SLC3A1: variants seen among roughly 807,000 people sequenced by gnomAD.
The protein encoded by SLC3A1 is amino acid transporter heavy chain SLC3A1.
In SLC3A1, 78 loss-of-function variants were observed where a neutral mutation model predicts 60.3. The observed-to-expected ratio is 1.29, with a 90% CI of 1.08 to 1.56. The LOEUF is 1.56. Among genes scored for constraint, SLC3A1 ranks in the 40% most tolerant of loss-of-function variants. The probability of loss-of-function intolerance (pLI) is 0.00; values close to 1 mark genes in which losing one functional copy is unlikely to be tolerated. For synonymous variants in SLC3A1, 392 were observed against 307.9 expected (o/e 1.27, Z -2.86); for missense variants, 1,172 against 858.9 (o/e 1.36, Z -4.56).
intron 6 of SLC3A1, among the ~76,000 whole-genome samples, chr2:44,302,207 C>T (rs954126197): frequency 4.6e-5 from 7 of 152,174 alleles, no homozygotes; most frequent in African/African-American, 1.7e-4. Context: ...TGAAGGAGTC[C>T]TGCTCTGTAG....
At chr2:44,319,633 G>C (rs1435570619) in intron 9 of SLC3A1, 1 of 152,938 alleles carries the variant, frequency 6.5e-6, no homozygotes, top group Non-Finnish European at 1.5e-5. Flanking sequence ...GTAAAAAAAA[G>C]TCTACAATTT....
intron 4 of SLC3A1, among the ~76,000 whole-genome samples, chr2:44,294,386 T>A (rs1187319052): frequency 6.6e-6 from 1 of 150,908 alleles, no homozygotes; most frequent in East Asian, 1.9e-4. Context: ...GCACCTGTAA[T>A]CCCAGCTACT....
downstream of SLC3A1, among the ~76,000 whole-genome samples, chr2:44,322,143 T>G (rs189023409): frequency 1.7e-4 from 26 of 152,114 alleles, no homozygotes; most frequent in Non-Finnish European, 3.2e-4. Context: ...ACGGACAAGG[T>G]TGAAACCCAG....
chr2:44,284,937 T>G (rs2104340451), intron 3 of SLC3A1: 1 of 152,288 alleles, frequency 6.6e-6, no homozygotes, highest in East Asian at 1.9e-4. Flanking sequence ...TGTGTCTAAT[T>G]CCTAATACAG....
intron 5 of SLC3A1, among the ~76,000 whole-genome samples, chr2:44,300,559 C>A (rs574334235): frequency 6.6e-6 from 1 of 151,952 alleles, no homozygotes; most frequent in Non-Finnish European, 1.5e-5. Context: ...TTTACTGAAA[C>A]CCCGAGAAAG....
intron 4 of SLC3A1, among the ~76,000 whole-genome samples, chr2:44,299,291 G>A (rs986263614): frequency 3.3e-5 from 5 of 152,118 alleles, no homozygotes; most frequent in African/African-American, 9.7e-5. Flanking sequence ...CGCCTGCCTC[G>A]GCCTCCCAGA....
chr2:44,320,309 C>T lies in SLC3A1; in HGVS notation c.1728C>T (p.Asp576=), dbSNP rs1022178927. 3 of 1,613,994 alleles carry T rather than the reference C, an allele frequency of 1.9e-6. No homozygotes were observed. The highest frequency in any genetic ancestry group is 2.7e-5 in the African/African-American group (2 of 74,918). ...NRGWFCHLRN[D]SHYVVYTREL... is the part of the protein sequence containing the mutation. ...GCTGGTTTTGCCATTTGAGGAATGACAGCCACTATGTTGTGTACACAAGAG... is the reference window on the plus strand; with the variant it reads ...GCTGGTTTTGCCATTTGAGGAATGATAGCCACTATGTTGTGTACACAAGAG... The change falls in exon 10 of 10, where the codon GAC becomes GAT. Residue 576 remains aspartate (D), a synonymous_variant. Coordinates refer to ENST00000260649, the MANE Select transcript of SLC3A1 (RefSeq NM_000341.4).
At chr2:44,308,439 C>A (rs1014844702) in intron 7 of SLC3A1, among the ~76,000 whole-genome samples, 19 of 152,142 alleles carry the variant, frequency 1.2e-4, no homozygotes, top group African/African-American at 4.6e-4. Flanking sequence ...GGCAATCATG[C>A]CATCTTGTCT....
chr2:44,311,122 A>G (rs1425676103), intron 7 of SLC3A1, among the ~76,000 whole-genome samples: 1 of 152,118 alleles, frequency 6.6e-6, no homozygotes, highest in Non-Finnish European at 1.5e-5. Context: ...TCTGGTTCTC[A>G]GGCCAGATAC....
intron 3 of SLC3A1, among the ~76,000 whole-genome samples, chr2:44,284,670 C>T (rs1422192548): frequency 1.3e-5 from 2 of 152,072 alleles, no homozygotes; most frequent in Non-Finnish European, 2.9e-5. Flanking sequence ...TCAAGCAATC[C>T]TCGCCACCTC....
chr2:44,319,976 G>T, intron 9 of SLC3A1: 1 of 543,928 alleles, frequency 1.8e-6, no homozygotes, highest in Non-Finnish European at 3.3e-6. Flanking sequence ...AGCACTGTGC[G>T]TACTTATTGA....
At position 44,320,638 on chromosome 2, in the gene SLC3A1, A is replaced by G. The variant is rs1418913167; in HGVS notation, c.2057A>G (p.Ter686TrpextTer4). The G allele has an allele frequency of 2.5e-6, 4 of 1,612,740 alleles. No homozygotes were observed. The highest frequency in any genetic ancestry group is 3.4e-6 in the Non-Finnish European group (4 of 1,178,808). Residue 686 changes from the stop codon to tryptophan, a stop_lost, in exon 10 of 10, where the codon TAG becomes TGG. Coordinates refer to ENST00000260649, the MANE Select transcript of SLC3A1 (RefSeq NM_000341.4). ...SVLNILYTSC* is the reference protein window; with the variant it reads ...SVLNILYTSCW Reference sequence around the variant, plus strand: ...CTGAACATACTGTATACCTCGTGTTAGGCACCTTTATGAAGAGATGAAGAC... The same window carrying G: ...CTGAACATACTGTATACCTCGTGTTGGGCACCTTTATGAAGAGATGAAGAC...
In SLC3A1 at chr2:44,275,966, G is replaced by A. The variant is rs897802435; in HGVS notation, c.430+1G>A. On this transcript the variant is annotated splice_donor_variant, in intron 1 of 9. Coordinates refer to ENST00000260649, the MANE Select transcript of SLC3A1 (RefSeq NM_000341.4). LOFTEE classifies it high-confidence loss of function. ...AAGGATGGGAACGGAGATCTGAAAGGTACATGCCCAGAGATCATTTAGGGT... is the reference window on the plus strand; with the variant it reads ...AAGGATGGGAACGGAGATCTGAAAGATACATGCCCAGAGATCATTTAGGGT... 2 of 1,613,860 alleles carry A rather than the reference G, an allele frequency of 1.2e-6. No individual in the cohort carries two copies. The highest frequency in any genetic ancestry group is 1.7e-6 in the Non-Finnish European group (2 of 1,179,716).
intron 6 of SLC3A1, among the ~76,000 whole-genome samples, chr2:44,303,515 G>T (rs976104858): frequency 6.6e-6 from 1 of 151,832 alleles, no homozygotes; most frequent in Non-Finnish European, 1.5e-5. Context: ...GGGATTACAG[G>T]TGTGAGCCAC....
chr2:44,299,404 C>T (rs894677501), intron 4 of SLC3A1, among the ~76,000 whole-genome samples: 2 of 152,170 alleles, frequency 1.3e-5, no homozygotes, highest in African/African-American at 4.8e-5. Context: ...ACCACAGGAT[C>T]GTCACTATTC....
chr2:44,318,243 A>G (rs1672602438), intron 9 of SLC3A1: 2 of 328,162 alleles, frequency 6.1e-6, no homozygotes, highest in Non-Finnish European at 1.2e-5. Context: ...GGTGCACGTC[A>G]TTATGCCCGG....
intron 2 of SLC3A1, among the ~76,000 whole-genome samples, 186 bp from the exon 3 acceptor site, chr2:44,281,201 C>T (rs569826654): frequency 6.8e-6 from 1 of 147,316 alleles, no homozygotes; most frequent in African/African-American, 2.5e-5. Context: ...CTCTGTCTCC[C>T]AGGCTGGAGT....
At chr2:44,299,437 G>A (rs888218390) in intron 4 of SLC3A1, among the ~76,000 whole-genome samples, 3 of 152,170 alleles carry the variant, frequency 2.0e-5, no homozygotes, top group East Asian at 3.8e-4. Flanking sequence ...TTGGTTGATG[G>A]TTGATTCTAT....
At chr2:44,284,111 G>C (rs1671558165) in intron 3 of SLC3A1, among the ~76,000 whole-genome samples, 1 of 151,880 alleles carries the variant, frequency 6.6e-6, no homozygotes, top group African/African-American at 2.4e-5. Flanking sequence ...AGATGGTCTT[G>C]CTCTGTCGCC....
Sources: gnomAD v4.1 joint callset for allele counts (sites outside exome capture counted in the v4.1 genomes callset) on GRCh38, gnomAD v4.1.1 for gene constraint, MANE v1.5 for transcripts, NCBI Gene and HGNC (gene_info 2026-07-23, HGNC 2026-07-21) for gene names.